MCM8: variants seen among roughly 807,000 people sequenced by gnomAD.
The protein encoded by MCM8 is DNA helicase MCM8.
A neutral mutation model predicts 98.9 loss-of-function variants in MCM8; 85 were observed. That is an observed-to-expected ratio of 0.86 (90% CI 0.72 to 1.03). The LOEUF (loss-of-function observed/expected upper bound fraction) is 1.03, where lower values mean the gene tolerates loss of function less well. Among genes scored for constraint, MCM8 ranks in the 50% least tolerant of loss-of-function variants. The pLI, the probability that MCM8 is intolerant of heterozygous loss-of-function variation, is 0.00. For missense variants in MCM8, 951 were observed against 997.8 expected, an observed-to-expected ratio of 0.95 and a Z score of 0.63; for synonymous variants, 352 against 338.6, an observed-to-expected ratio of 1.04 and a Z score of -0.44.
At chr20:5,969,138 T>G (rs2089343664) in intron 10 of MCM8, among the ~76,000 whole-genome samples, 1 of 152,240 alleles carries the variant, frequency 6.6e-6, no homozygotes, top group Non-Finnish European at 1.5e-5. Flanking sequence ...GATTTTATAA[T>G]GTACTTAACA....
At chr20:5,987,416 A>G in intron 17 of MCM8, 58 bp downstream of exon 17, 1 of 1,419,848 alleles carries the variant, frequency 7.0e-7, no homozygotes, top group Non-Finnish European at 9.8e-7. Context: ...CCCATCTCAA[A>G]TTAGGTAATA....
At chr20:5,988,945 A>G (rs1047758695) in intron 17 of MCM8, among the ~76,000 whole-genome samples, 8 of 152,032 alleles carry the variant, frequency 5.3e-5, no homozygotes, top group African/African-American at 1.9e-4. Context: ...TTGGAGTTCA[A>G]CCTGGAGCTG....
At chr20:5,971,797 T>TA (rs1379041006) in intron 10 of MCM8, among the ~76,000 whole-genome samples, 3 of 152,202 alleles carry the variant, frequency 2.0e-5, no homozygotes, top group Non-Finnish European at 4.4e-5. Context: ...CTCTGTTCCT[T>TA]ATGCAGAGTT....
Position 5,990,494 on chromosome 20 carries a change from A to C in MCM8, c.2241-3012A>C, listed in dbSNP as rs959265883. Among the ~76,000 whole-genome samples, 3 of 152,176 alleles carry C rather than the reference A, an allele frequency of 2.0e-5. No individual in the cohort carries two copies. In the South Asian group the frequency reaches 6.2e-4, roughly 32 times the overall value. ...CTTTAGTCCCTCTCCAGTTGATCTC[A>C]TTATGTTGGAGACCCTCTAGTTGCC... On this transcript the variant is annotated intron_variant, in intron 17 of 18. Transcript: ENST00000610722.
At chr20:5,951,075 C>T (rs2088808822) in intron 1 of MCM8, 52 bp downstream of exon 1, 1 of 152,202 alleles carries the variant, frequency 6.6e-6, no homozygotes, top group African/African-American at 2.4e-5. Context: ...TGAAGAAGCA[C>T]AGGTACCCAA....
chr20:5,996,490 T>G lies in MCM8; in HGVS notation c.*2099T>G, dbSNP rs979254690. ...AAGATCGTACCACTGCACTCCAGCC[T>G]GGGCAACAGAGTGAGACTCTTTCTC... is the stretch of plus-strand genomic sequence containing the variant. On this transcript the variant is annotated 3_prime_UTR_variant, in exon 19 of 19. Coordinates refer to ENST00000610722, the MANE Select transcript of MCM8 (RefSeq NM_032485.6). 1.3e-5 allele frequency: 2 copies of G among 152,122 alleles called. No individual in the cohort carries two copies. Among genetic ancestry groups the G allele is most frequent in the African/African-American group, 4.8e-5 (2 of 41,422 alleles). 9.4% of individuals were successfully genotyped at this position (152,122 alleles called of 1,614,324 possible).
At chr20:5,991,787 G>C (rs553731910) in intron 17 of MCM8, among the ~76,000 whole-genome samples, 1 of 152,268 alleles carries the variant, frequency 6.6e-6, no homozygotes, top group South Asian at 2.1e-4. Context: ...CATAAAGTAG[G>C]CCTTCAGTAA....
rs773125725 is a variant in MCM8, at chr20:5,998,895, T to C, written c.*4504T>C. ...GGAATGGAAAGGCAGAGTGCACCTA[T>C]TGAATTCCATCATCAGTTTTTCTAT... On this transcript the variant is annotated 3_prime_UTR_variant, in exon 19 of 19. Transcript: ENST00000610722. 6.6e-6 allele frequency: 1 copy of C among 152,162 alleles called. No individual in the cohort carries two copies. Among genetic ancestry groups the C allele is most frequent in the Non-Finnish European group, 1.5e-5 (1 of 68,040 alleles). The allele number at this position is 152,162 out of a possible 1,614,324, so 9.4% of individuals were successfully genotyped here.
intron 3 of MCM8, among the ~76,000 whole-genome samples, chr20:5,952,995 C>A (rs1340484384): frequency 1.3e-5 from 2 of 152,196 alleles, no homozygotes; most frequent in Non-Finnish European, 2.9e-5. Context: ...CCTTACAGAG[C>A]TGTGCTTAGA....
chr20:5,966,881 A>G (rs2089286124), intron 8 of MCM8, among the ~76,000 whole-genome samples: 1 of 152,156 alleles, frequency 6.6e-6, no homozygotes, highest in South Asian at 2.1e-4. Context: ...GCCAGATGAT[A>G]AAGTACGCAT....
Position 5,967,517 on chromosome 20 carries a change from T to C in MCM8, c.957T>C (p.Leu319=). 1 of 1,614,118 alleles carries C rather than the reference T, an allele frequency of 6.2e-7. No homozygotes were observed. Among genetic ancestry groups the C allele is most frequent in the Non-Finnish European group, 8.5e-7 (1 of 1,179,946 alleles). ...RTIECELVHD[L]VDSCVPGDTV... ...TAGAATGTGAGCTTGTTCATGATCTTGTGGATAGCTGTGTCCCGGGAGACA... is the reference window on the plus strand; with the variant it reads ...TAGAATGTGAGCTTGTTCATGATCTCGTGGATAGCTGTGTCCCGGGAGACA... The change falls in exon 9 of 19, where the codon CTT becomes CTC. Residue 319 remains leucine, a synonymous_variant. Transcript: ENST00000610722.
chr20:5,976,661 G>A (rs1188176014), intron 12 of MCM8, among the ~76,000 whole-genome samples: 1 of 152,220 alleles, frequency 6.6e-6, no homozygotes, highest in Non-Finnish European at 1.5e-5. Flanking sequence ...GTGCCCCCAG[G>A]AGCTGCTGGT....
At chr20:5,993,473 C>A (rs745489832) in intron 17 of MCM8, 33 bp from the exon 18 acceptor site, 2 of 1,487,598 alleles carry the variant, frequency 1.3e-6, no homozygotes, top group Non-Finnish European at 1.8e-6. Flanking sequence ...GGCAGTGCTA[C>A]ATTGGGTAAT....
chr20:5,976,828 G>A (rs547641324), intron 12 of MCM8, among the ~76,000 whole-genome samples: 4 of 152,188 alleles, frequency 2.6e-5, no homozygotes, highest in East Asian at 1.9e-4. Flanking sequence ...AGAGTCACTC[G>A]GGTTAAAACA....
In MCM8 at chr20:5,977,948, A is replaced by G; in HGVS notation, c.1468A>G (p.Thr490Ala). The change falls in exon 13 of 19, where the codon ACT becomes GCT. Residue 490 changes from threonine (T) to alanine (A), a missense_variant. Coordinates refer to ENST00000610722, the MANE Select transcript of MCM8 (RefSeq NM_032485.6). Reference sequence around the variant, plus strand: ...CACGACCACCTCTGGTCTGACGGTAACTCTTTCAAAAGATAGTTCCTCTGG... The same window carrying G: ...CACGACCACCTCTGGTCTGACGGTAGCTCTTTCAAAAGATAGTTCCTCTGG... Reference protein sequence around the residue: ...NTTTTSGLTVTLSKDSSSGDF... With the variant: ...NTTTTSGLTVALSKDSSSGDF... 1.2e-6 allele frequency: 2 copies of G among 1,614,154 alleles called. No homozygotes were observed. The highest frequency in any genetic ancestry group is 1.7e-6 in the Non-Finnish European group (2 of 1,180,026).
rs2088845576 is a variant in MCM8, at chr20:5,952,139, A to G, written c.124A>G (p.Lys42Glu). ...REREHRPDLS[K>E]TTGKRTSEQT... ...AAGAGAACACAGACCTGATCTGAGT[A>G]AAACCACAGGAAAACGTACTTCTGG... The change falls in exon 2 of 19, where the codon AAA (lysine) becomes GAA (glutamate). Residue 42 changes from lysine (K) to glutamate (E), a missense_variant. Physicochemically the swap from Lys to Glu is moderately conservative, Grantham distance 56 (BLOSUM62 1). Transcript: ENST00000610722. 3 of 1,613,900 alleles carry G rather than the reference A, an allele frequency of 1.9e-6. No homozygotes were observed. In the South Asian group the frequency reaches 3.3e-5, roughly 18 times the overall value.
In MCM8 at chr20:5,971,998, G is replaced by A. The variant is rs202121942; in HGVS notation, c.1224-9G>A. 1.9e-6 allele frequency: 3 copies of A among 1,610,384 alleles called. No homozygotes were observed. The highest frequency in any genetic ancestry group is 2.2e-5 in the East Asian group (1 of 44,676). On this transcript the variant is annotated splice_polypyrimidine_tract_variant and intron_variant, in intron 10 of 18. Transcript: ENST00000610722. ...AATTAGAATTTATAAGTTGTGTTCT[G>A]TTTTTCAGCTCGCTTTGCCCTGTCA...
chr20:5,975,271 A>AG (rs1568586536), intron 12 of MCM8, among the ~76,000 whole-genome samples: 1 of 152,008 alleles, frequency 6.6e-6, no homozygotes, highest in African/African-American at 2.4e-5. Flanking sequence ...AAAAAAAAAA[A>AG]AAAGAAAACA....
At chr20:5,969,241 T>A (rs1280325617) in intron 10 of MCM8, among the ~76,000 whole-genome samples, 2 of 152,160 alleles carry the variant, frequency 1.3e-5, no homozygotes, top group Non-Finnish European at 2.9e-5. Context: ...GACTGAATAA[T>A]AGATATATCT....
Sources: gnomAD v4.1 joint callset for allele counts (sites outside exome capture counted in the v4.1 genomes callset) on GRCh38, gnomAD v4.1.1 for gene constraint, MANE v1.5 for transcripts, NCBI Gene and HGNC (gene_info 2026-07-23, HGNC 2026-07-21) for gene names.